The following CCDC7 variants were observed in gnomAD, a reference collection of about 807,000 sequenced individuals.
The protein encoded by CCDC7 is coiled-coil domain containing 7.
In CCDC7, 183 loss-of-function variants were observed where a neutral mutation model predicts 196.9. The observed-to-expected ratio is 0.93, with a 90% confidence interval of 0.82 to 1.05. The LOEUF (loss-of-function observed/expected upper bound fraction) is 1.05, where lower values mean the gene tolerates loss of function less well. Among genes scored for constraint, CCDC7 ranks in the 50% least tolerant of loss-of-function variants. The probability of loss-of-function intolerance (pLI) is 0.00; values close to 1 mark genes in which losing one functional copy is unlikely to be tolerated. For synonymous variants in CCDC7, 525 were observed against 484.6 expected, an observed-to-expected ratio of 1.08 and a Z score of -1.10; for missense variants, 1,540 against 1,482.2, an observed-to-expected ratio of 1.04 and a Z score of -0.64.
chr10:32,489,520 A>T (rs892748137), intron 8 of CCDC7, among the ~76,000 whole-genome samples: 15 of 152,196 alleles, frequency 9.9e-5, no homozygotes, highest in African/African-American at 3.6e-4. Context: ...GGGCAAGGCT[A>T]GCATGTAAAG....
At chr10:32,451,452 C>A, upstream of CCDC7, 1 of 653,726 alleles carries the variant, frequency 1.5e-6, no homozygotes, top group South Asian at 3.8e-5. Flanking sequence ...CTCAAAAAAG[C>A]CTGAAGTGTA....
At chr10:32,717,544 AG>A (rs1380544065) in intron 25 of CCDC7, among the ~76,000 whole-genome samples, 26 of 152,198 alleles carry the variant, frequency 1.7e-4, no homozygotes, top group Non-Finnish European at 1.5e-5. Context: ...GAACTGAAGG[AG>A]AGAGAGACAC....
chr10:32,677,367 A>AT (rs2075176066), intron 21 of CCDC7, among the ~76,000 whole-genome samples: 1 of 143,450 alleles, frequency 7.0e-6, no homozygotes, highest in African/African-American at 2.7e-5. Flanking sequence ...AAGTATAATA[A>AT]TAATAAAAAA....
intron 9 of CCDC7, among the ~76,000 whole-genome samples, chr10:32,516,007 AAGTT>A (rs1471547986): frequency 1.1e-4 from 16 of 152,288 alleles, no homozygotes; most frequent in Admixed American, 4.6e-4. Context: ...ACAAAAGAAA[AAGTT>A]AGATCAACTT....
chr10:32,881,141 G>A (rs1403814603), downstream of CCDC7, among the ~76,000 whole-genome samples: 1 of 152,120 alleles, frequency 6.6e-6, no homozygotes, highest in Admixed American at 6.6e-5. Context: ...TCATAAGTTG[G>A]TGGCTAACAT....
intron 7 of CCDC7, among the ~76,000 whole-genome samples, chr10:32,473,729 A>G (rs1354798151): frequency 6.6e-6 from 1 of 152,204 alleles, no homozygotes; most frequent in Non-Finnish European, 1.5e-5. Flanking sequence ...AGAGAATACA[A>G]GAGCAAAAAC....
intron 28 of CCDC7, among the ~76,000 whole-genome samples, chr10:32,761,285 C>T (rs1373073163): frequency 6.6e-6 from 1 of 151,928 alleles, no homozygotes; most frequent in East Asian, 1.9e-4. Context: ...CCATGTGCAG[C>T]TACTAATAAA....
intron 28 of CCDC7, among the ~76,000 whole-genome samples, chr10:32,763,100 A>G (rs971365678): frequency 8.6e-5 from 13 of 152,010 alleles, no homozygotes; most frequent in Admixed American, 1.3e-4. Context: ...AACATTCGTG[A>G]ATCATATATT....
At chr10:32,631,445 A>T (rs1177397295) in intron 18 of CCDC7, among the ~76,000 whole-genome samples, 1 of 152,168 alleles carries the variant, frequency 6.6e-6, no homozygotes, top group Non-Finnish European at 1.5e-5. Context: ...TCTTGTAGAA[A>T]AAATTGCTTG....
chr10:32,669,339 C>T (rs76698539), intron 21 of CCDC7, among the ~76,000 whole-genome samples: 5,192 of 152,046 alleles, frequency 0.034, 299 homozygotes, highest in African/African-American at 0.12. Context: ...GAGATATTGG[C>T]CTTTGTCTTT....
chr10:32,662,698 T>C (rs1213919256), intron 20 of CCDC7, among the ~76,000 whole-genome samples: 1 of 152,194 alleles, frequency 6.6e-6, no homozygotes, highest in East Asian at 1.9e-4. Context: ...AATGAAATAC[T>C]GGTGTCTTGG....
chr10:32,628,188 G>A (rs1033944131), intron 18 of CCDC7, among the ~76,000 whole-genome samples: 4 of 151,756 alleles, frequency 2.6e-5, no homozygotes, highest in Non-Finnish European at 4.4e-5. Context: ...ACTTAATCTC[G>A]TTACTAATTA....
intron 8 of CCDC7, among the ~76,000 whole-genome samples, chr10:32,484,420 T>C (rs757432265): frequency 1.3e-5 from 2 of 152,230 alleles, no homozygotes; most frequent in Non-Finnish European, 2.9e-5. Flanking sequence ...GTTTTCTAAA[T>C]ATACAGTCAT....
intron 9 of CCDC7, among the ~76,000 whole-genome samples, chr10:32,495,241 GT>G (rs979472547): frequency 6.6e-6 from 1 of 151,876 alleles, no homozygotes; most frequent in Non-Finnish European, 1.5e-5. Flanking sequence ...GGGGTTGTTT[GT>G]TTTTTTCTTG....
intron 24 of CCDC7, among the ~76,000 whole-genome samples, chr10:32,701,847 T>A (rs1370422866): frequency 1.3e-5 from 2 of 152,206 alleles, no homozygotes; most frequent in Non-Finnish European, 2.9e-5. Context: ...TGTATTTCTG[T>A]GGGATCGGTG....
intron 28 of CCDC7, among the ~76,000 whole-genome samples, chr10:32,772,286 G>A (rs1022314311): frequency 1.3e-5 from 2 of 152,178 alleles, no homozygotes. Flanking sequence ...GCCCCACATA[G>A]TTCCCACTCA....
chr10:32,546,148 C>G (rs2052427100), intron 13 of CCDC7, among the ~76,000 whole-genome samples: 1 of 152,134 alleles, frequency 6.6e-6, no homozygotes, highest in South Asian at 2.1e-4. Flanking sequence ...GGGATAGACT[C>G]TAGCATGCTG....
intron 21 of CCDC7, among the ~76,000 whole-genome samples, chr10:32,678,642 G>A (rs768316862): frequency 1.3e-5 from 2 of 152,128 alleles, no homozygotes. Context: ...TGATTGTGGT[G>A]CAGTATAAGT....
At chr10:32,511,272 G>GGT (rs1300091566) in intron 9 of CCDC7, 42 of 770,702 alleles carry the variant, frequency 5.4e-5, no homozygotes, top group East Asian at 4.1e-4. Flanking sequence ...GGGGGGGGCG[G>GGT]GGAAATGTAC....
Sources: allele counts gnomAD v4.1 joint callset (sites outside exome capture counted in the v4.1 genomes callset), GRCh38; gene constraint gnomAD v4.1.1; transcripts MANE v1.5; gene names NCBI Gene and HGNC (gene_info 2026-07-23, HGNC 2026-07-21).